NKAIN2: variants seen among roughly 807,000 people sequenced by gnomAD.
NKAIN2 encodes the protein sodium/potassium-transporting ATPase subunit beta-1-interacting protein 2.
In NKAIN2, 14 loss-of-function variants were observed where a neutral mutation model predicts 32.6. That is an observed-to-expected ratio of 0.43 (90% CI 0.28 to 0.67). The LOEUF is 0.67. NKAIN2 is among the 30% of genes least tolerant of loss of function. NKAIN2 has a pLI of 0.17. For missense variants in NKAIN2, 198 were observed against 258.3 expected, an observed-to-expected ratio of 0.77 and a Z score of 1.60; for synonymous variants, 80 against 87.2, an observed-to-expected ratio of 0.92 and a Z score of 0.46.
At chr6:124,821,817 C>T (rs546279036) in intron 6 of NKAIN2, among the ~76,000 whole-genome samples, 2 of 152,148 alleles carry the variant, frequency 1.3e-5, no homozygotes, top group Admixed American at 6.5e-5. Context: ...CACAAAACAT[C>T]CCATAGGAGA....
intron 5 of NKAIN2, among the ~76,000 whole-genome samples, chr6:124,794,524 A>G (rs1279982777): frequency 6.6e-6 from 1 of 152,200 alleles, no homozygotes; most frequent in African/African-American, 2.4e-5. Flanking sequence ...ATCTGCCTTT[A>G]TTAATCCAAA....
chr6:124,649,281 AAGC>A (rs1217012240), intron 3 of NKAIN2, among the ~76,000 whole-genome samples: 1 of 152,202 alleles, frequency 6.6e-6, no homozygotes, highest in Non-Finnish European at 1.5e-5. Context: ...TTATCAATGA[AAGC>A]AGGAATATAA....
chr6:123,876,757 T>C (rs548489229), intron 1 of NKAIN2, among the ~76,000 whole-genome samples: 4 of 152,176 alleles, frequency 2.6e-5, no homozygotes, highest in Non-Finnish European at 5.9e-5. Flanking sequence ...CCCACCCACA[T>C]TGGGGAGGGC....
chr6:124,482,106 C>T (rs1777476479), intron 3 of NKAIN2, among the ~76,000 whole-genome samples: 2 of 152,038 alleles, frequency 1.3e-5, no homozygotes, highest in South Asian at 4.1e-4. Context: ...AAGCAGAGTG[C>T]CAAGTCTCTT....
intron 3 of NKAIN2, among the ~76,000 whole-genome samples, chr6:124,402,566 A>G (rs1345896374): frequency 6.6e-6 from 1 of 152,220 alleles, no homozygotes. Flanking sequence ...ACATATTCTT[A>G]CTGGATAAAG....
chr6:123,933,242 G>T (rs948969749), intron 1 of NKAIN2, among the ~76,000 whole-genome samples: 1 of 152,022 alleles, frequency 6.6e-6, no homozygotes, highest in Non-Finnish European at 1.5e-5. Flanking sequence ...TTTCAAATTT[G>T]TATTTAATGT....
intron 4 of NKAIN2, among the ~76,000 whole-genome samples, chr6:124,703,547 G>A (rs5006628): frequency 0.63 from 96,204 of 151,724 alleles, 31,076 homozygotes; most frequent in East Asian, 0.75. Context: ...CTGTGGTACT[G>A]TAGACAAGAG....
chr6:124,034,409 A>G (rs573090798), intron 1 of NKAIN2, among the ~76,000 whole-genome samples: 1 of 152,086 alleles, frequency 6.6e-6, no homozygotes, highest in Non-Finnish European at 1.5e-5. Flanking sequence ...ACTTAGGATA[A>G]TGACCTCTGG....
chr6:124,171,670 C>A (rs956429611), intron 1 of NKAIN2, among the ~76,000 whole-genome samples: 1 of 150,604 alleles, frequency 6.6e-6, no homozygotes, highest in African/African-American at 2.4e-5. Flanking sequence ...CCTGCCTCAG[C>A]CTCCCAAGTA....
At chr6:123,944,447 G>A (rs760226618) in intron 1 of NKAIN2, among the ~76,000 whole-genome samples, 20 of 151,960 alleles carry the variant, frequency 1.3e-4, no homozygotes, top group Non-Finnish European at 2.1e-4. Flanking sequence ...CTCATGTGTA[G>A]CCTTCTATTT....
intron 4 of NKAIN2, among the ~76,000 whole-genome samples, chr6:124,699,361 C>G (rs1774656599): frequency 1.3e-5 from 2 of 152,150 alleles, no homozygotes; most frequent in African/African-American, 4.8e-5. Flanking sequence ...GACGGCAACC[C>G]AGGAAAGTGC....
intron 2 of NKAIN2, among the ~76,000 whole-genome samples, chr6:124,310,274 T>G (rs1009558178): frequency 2.6e-5 from 4 of 152,264 alleles, no homozygotes; most frequent in African/African-American, 9.6e-5. Flanking sequence ...AATTTTATTT[T>G]TATTATTTGT....
chr6:124,454,106 T>TGGG (rs35989042), intron 3 of NKAIN2, among the ~76,000 whole-genome samples: 6 of 60,758 alleles, frequency 9.9e-5, no homozygotes, highest in Admixed American at 2.0e-4. Flanking sequence ...GTTTTTTTTT[T>TGGG]GGGGGGGGGG....
At chr6:123,914,641 G>C (rs1775400550) in intron 1 of NKAIN2, among the ~76,000 whole-genome samples, 1 of 152,084 alleles carries the variant, frequency 6.6e-6, no homozygotes, top group African/African-American at 2.4e-5. Flanking sequence ...TTTGCTGGAT[G>C]TTACCCACTA....
At chr6:124,205,533 C>T (rs1790828216) in intron 1 of NKAIN2, among the ~76,000 whole-genome samples, 1 of 151,372 alleles carries the variant, frequency 6.6e-6, no homozygotes. Context: ...TTCACTAAGT[C>T]GTTCATATCC....
intron 4 of NKAIN2, among the ~76,000 whole-genome samples, chr6:124,771,301 A>G (rs1205037822): frequency 6.6e-6 from 1 of 152,220 alleles, no homozygotes; most frequent in African/African-American, 2.4e-5. Context: ...ATTTTGCATA[A>G]TATATGAAAT....
At chr6:123,859,966 C>T (rs1051694131) in intron 1 of NKAIN2, among the ~76,000 whole-genome samples, 2 of 152,204 alleles carry the variant, frequency 1.3e-5, no homozygotes, top group African/African-American at 4.8e-5. Context: ...GCTGGGATTA[C>T]AGTCGTAAGC....
intron 1 of NKAIN2, among the ~76,000 whole-genome samples, chr6:124,029,506 G>GATT: frequency 6.6e-6 from 1 of 152,070 alleles, no homozygotes; most frequent in South Asian, 2.1e-4. Flanking sequence ...GATAAAGAAA[G>GATT]ATTTAGATAA....
chr6:123,847,784 A>C (rs1419455101), intron 1 of NKAIN2, among the ~76,000 whole-genome samples: 1 of 152,130 alleles, frequency 6.6e-6, no homozygotes, highest in Non-Finnish European at 1.5e-5. Context: ...GAAGTGGTGA[A>C]ACTTTATACT....
Sources: gnomAD v4.1 joint callset for allele counts (sites outside exome capture counted in the v4.1 genomes callset) on GRCh38, gnomAD v4.1.1 for gene constraint, MANE v1.5 for transcripts, NCBI Gene and HGNC (gene_info 2026-07-23, HGNC 2026-07-21) for gene names.